The following MMP26 variants were observed in gnomAD, a reference collection of about 807,000 sequenced individuals.
The protein encoded by MMP26 is matrix metallopeptidase 26.
Under a neutral mutation model 31.0 loss-of-function variants are expected in MMP26, and 33 were observed. That is an observed-to-expected ratio of 1.06 (90% CI 0.81 to 1.42). MMP26 has a LOEUF of 1.42. Ranked by LOEUF, MMP26 falls within the 40% of genes most tolerant of loss-of-function variation. The pLI is 0.00. For synonymous variants in MMP26, 122 were observed against 114.9 expected, an observed-to-expected ratio of 1.06 and a Z score of -0.40; for missense variants, 347 against 316.1, an observed-to-expected ratio of 1.10 and a Z score of -0.74.
chr11:4,830,099 T>C (rs1849627299), intron 2 of MMP26: 1 of 152,028 alleles, frequency 6.6e-6, no homozygotes, highest in Admixed American at 6.6e-5. Context: ...CTCAGGAGGG[T>C]GTTCCTCGGC....
chr11:4,924,342 C>G, intron 2 of MMP26: 1 of 1,590,048 alleles, frequency 6.3e-7, no homozygotes, highest in Non-Finnish European at 8.5e-7. Context: ...ATTGTCATAG[C>G]TTTACAATCT....
In MMP26 at chr11:4,882,781, C is replaced by T. The variant is rs780109347; in HGVS notation, c.-144-105287C>T. 20 of 1,613,894 alleles carry T rather than the reference C, an allele frequency of 1.2e-5. 1 individual carries two copies. In the South Asian group the frequency reaches 2.2e-4, roughly 18 times the overall value. On this transcript the variant is annotated intron_variant, in intron 2 of 7. Transcript: ENST00000380390. ...CACCTGTGCTGAACCCTATCATTTA[C>T]AGCTTGAAGACCAAGACAATCCGCC...
At chr11:4,748,007 A>C (rs1338084799) in intron 1 of MMP26, among the ~76,000 whole-genome samples, 1 of 152,020 alleles carries the variant, frequency 6.6e-6, no homozygotes, top group Non-Finnish European at 1.5e-5. Flanking sequence ...ACAAAATTAA[A>C]AGGTGGTTCT....
At chr11:4,873,350 C>T (rs1013894986) in intron 2 of MMP26, among the ~76,000 whole-genome samples, 11 of 152,018 alleles carry the variant, frequency 7.2e-5, no homozygotes, top group African/African-American at 2.2e-4. Flanking sequence ...AGTAGCATAT[C>T]GTCTCTTCAT....
intron 1 of MMP26, among the ~76,000 whole-genome samples, chr11:4,716,743 C>T (rs952604558): frequency 3.7e-5 from 5 of 135,056 alleles, no homozygotes; most frequent in African/African-American, 1.1e-4. Context: ...CTCATTGCAA[C>T]CTCCACTTCC....
At chr11:4,867,952 T>C (rs1179449074) in intron 2 of MMP26, among the ~76,000 whole-genome samples, 1 of 152,136 alleles carries the variant, frequency 6.6e-6, no homozygotes, top group African/African-American at 2.4e-5. Context: ...TGTGTGTTAA[T>C]TGCAGCACTA....
At chr11:4,812,400 CA>C (rs1352323728) in intron 2 of MMP26, among the ~76,000 whole-genome samples, 1 of 151,998 alleles carries the variant, frequency 6.6e-6, no homozygotes, top group Non-Finnish European at 1.5e-5. Flanking sequence ...TTTATGTTGC[CA>C]AGGTTGAGGT....
At chr11:4,908,276 T>G in intron 2 of MMP26, 1 of 1,614,108 alleles carries the variant, frequency 6.2e-7, no homozygotes, top group South Asian at 1.1e-5. Flanking sequence ...GGAGAAGATC[T>G]TGGGGAAGTT....
chr11:4,707,893 G>A (rs1847802056), intron 1 of MMP26, among the ~76,000 whole-genome samples: 1 of 152,100 alleles, frequency 6.6e-6, no homozygotes, highest in Admixed American at 6.6e-5. Flanking sequence ...ATTTTCCTGG[G>A]AGTCATTTTT....
rs762913559 is a variant in MMP26 at position 4,882,191 on chromosome 11, G to T, written c.-144-105877G>T. ...TCATGCCCGGGAGATCAGCTTTAAA[G>T]CTTGCTTCATTCAAATGTTCTTTGT... is the stretch of plus-strand genomic sequence containing the variant. On this transcript the variant is annotated intron_variant, in intron 2 of 7. Transcript: ENST00000380390. The T allele has an allele frequency of 5.6e-6, 9 of 1,613,936 alleles. No individual in the cohort carries two copies. The South Asian group carries it at 8.8e-5, about 16-fold the overall frequency.
intron 1 of MMP26, among the ~76,000 whole-genome samples, chr11:4,756,261 CG>C (rs1251634221): frequency 6.6e-5 from 10 of 151,820 alleles, no homozygotes; most frequent in African/African-American, 2.4e-4. Flanking sequence ...AGAAAAAATA[CG>C]GTGCAAATAA....
chr11:4,790,310 T>C (rs1420962960), intron 2 of MMP26, among the ~76,000 whole-genome samples: 1 of 152,062 alleles, frequency 6.6e-6, no homozygotes, highest in African/African-American at 2.4e-5. Context: ...GCCATTGCCA[T>C]TGCACTCCAG....
intron 2 of MMP26, among the ~76,000 whole-genome samples, chr11:4,871,396 G>C (rs1267728825): frequency 2.0e-5 from 3 of 152,068 alleles, no homozygotes; most frequent in East Asian, 3.9e-4. Flanking sequence ...TTTAGACAGA[G>C]AATTATTAAA....
At chr11:4,965,298 A>C (rs1056810682) in intron 2 of MMP26, among the ~76,000 whole-genome samples, 1 of 152,182 alleles carries the variant, frequency 6.6e-6, no homozygotes, top group Non-Finnish European at 1.5e-5. Context: ...GATCCTTGGG[A>C]TATTTTGTGG....
chr11:4,723,336 C>T, intron 1 of MMP26: 2 of 969,322 alleles, frequency 2.1e-6, no homozygotes, highest in South Asian at 2.6e-5. Flanking sequence ...CATACTTGAT[C>T]TGGTGCATGC....
intron 2 of MMP26, among the ~76,000 whole-genome samples, chr11:4,782,214 A>C (rs1030965236): frequency 6.6e-6 from 1 of 152,200 alleles, no homozygotes; most frequent in African/African-American, 2.4e-5. Context: ...AGAACTCCCT[A>C]GGGTCTTGTT....
In MMP26 at chr11:4,748,686, T is replaced by TA. The variant is rs962624984; in HGVS notation, c.-216-18576dup. On this transcript the variant is annotated intron_variant, in intron 1 of 7. Transcript: ENST00000380390. ...ATTCACCACATAAGCAGACTTTTTT[T>TA]AAAAAAAATATGATCACGGCAATAG... Among the ~76,000 whole-genome samples the TA allele has an allele frequency of 2.9e-4, 40 of 139,892 alleles. 1 individual carries two copies. The highest frequency in any genetic ancestry group is 9.6e-4 in the African/African-American group (29 of 30,352). The allele number at this position is 139,892 out of a possible 152,430, so 91.8% of individuals were successfully genotyped here. A position where few individuals can be genotyped will look rare whatever the true frequency, so the allele number is the denominator to read the frequency against.
intron 2 of MMP26, among the ~76,000 whole-genome samples, chr11:4,773,815 G>T (rs542566589): frequency 5.9e-5 from 9 of 151,988 alleles, no homozygotes; most frequent in African/African-American, 1.9e-4. Context: ...ACGGGCCCCA[G>T]TGTGTGTTGT....
In MMP26 at chr11:4,709,678, A is replaced by G. The variant is rs141695510; in HGVS notation, c.-217+4633A>G. The stretch of plus-strand genomic sequence containing the variant: ...ACCTCCATCCCATTCTGTTGTCTCT[A>G]TGTCATTGCTATCTCTGGGAATGGC... On this transcript the variant is annotated intron_variant, in intron 1 of 7. Coordinates refer to ENST00000380390, the MANE Select transcript of MMP26 (RefSeq NM_021801.5). 1.2e-3 allele frequency: 534 copies of G among 457,964 alleles called. 5 individuals are homozygous for G. The highest frequency in any genetic ancestry group is 0.01 in the African/African-American group (502 of 50,148). 28.4% of individuals were successfully genotyped at this position (457,964 alleles called of 1,614,324 possible).
Sources: gnomAD v4.1 joint callset for allele counts (sites outside exome capture counted in the v4.1 genomes callset) on GRCh38, gnomAD v4.1.1 for gene constraint, MANE v1.5 for transcripts, NCBI Gene and HGNC (gene_info 2026-07-23, HGNC 2026-07-21) for gene names.